The following ARL15 variants were observed in gnomAD, a reference collection of about 807,000 sequenced individuals.
The protein encoded by ARL15 is ADP-ribosylation factor-like protein 15.
ARL15 carries 19 observed loss-of-function variants against 25.2 expected under a neutral mutation model. The ratio of observed to expected loss-of-function variants is 0.75; its 90% CI spans 0.53 to 1.10. The LOEUF is 1.10. Among genes scored for constraint, ARL15 ranks in the 50% least tolerant of loss-of-function variants. The pLI is 0.00. For missense variants in ARL15, 220 were observed against 246.0 expected, an observed-to-expected ratio of 0.89 and a Z score of 0.71; for synonymous variants, 94 against 86.8, an observed-to-expected ratio of 1.08 and a Z score of -0.46.
chr5:53,982,654 A>G (rs1391864752), intron 4 of ARL15, among the ~76,000 whole-genome samples: 1 of 152,152 alleles, frequency 6.6e-6, no homozygotes, highest in Non-Finnish European at 1.5e-5. Flanking sequence ...ATACATGTGC[A>G]TGTGTCTTTA....
At chr5:54,168,956 C>A (rs1754649428) in intron 2 of ARL15, among the ~76,000 whole-genome samples, 1 of 152,138 alleles carries the variant, frequency 6.6e-6, no homozygotes, top group Non-Finnish European at 1.5e-5. Flanking sequence ...GTGTAAACTT[C>A]TTGATGGCAG....
At chr5:54,236,718 A>C (rs1304062366) in intron 1 of ARL15, among the ~76,000 whole-genome samples, 2 of 152,172 alleles carry the variant, frequency 1.3e-5, no homozygotes, top group African/African-American at 2.4e-5. Flanking sequence ...GCATACATTC[A>C]TTTAAACAAA....
At chr5:54,141,351 T>C (rs1459677879) in intron 3 of ARL15, among the ~76,000 whole-genome samples, 1 of 152,144 alleles carries the variant, frequency 6.6e-6, no homozygotes, top group African/African-American at 2.4e-5. Context: ...TCCGAGTCCT[T>C]TCCCAGTCAC....
intron 1 of ARL15, among the ~76,000 whole-genome samples, chr5:54,250,168 G>A (rs946881146): frequency 6.6e-6 from 1 of 152,068 alleles, no homozygotes; most frequent in Non-Finnish European, 1.5e-5. Flanking sequence ...GGTGGGGGTC[G>A]AGGGAGGCAC....
At position 54,231,401 on chromosome 5, in the gene ARL15, AAC is replaced by A. The variant is rs140296355; in HGVS notation, c.49-59475_49-59474del. Among the ~76,000 whole-genome samples the A allele has an allele frequency of 9.8e-3, 1,493 of 152,142 alleles. 26 individuals carry two copies. The highest frequency in any genetic ancestry group is 0.034 in the African/African-American group (1,400 of 41,484). The stretch of plus-strand genomic sequence containing the variant: ...ACATCCACTTCTCTGTCTCTCTCAT[AAC>A]ACTCTTATCTGCACAGCCCCAGTCA... On this transcript the variant is annotated intron_variant, in intron 1 of 4. Coordinates refer to ENST00000504924, the MANE Select transcript of ARL15 (RefSeq NM_019087.3).
chr5:54,087,085 G>C (rs376882951), intron 4 of ARL15, among the ~76,000 whole-genome samples: 4 of 151,972 alleles, frequency 2.6e-5, no homozygotes, highest in Admixed American at 2.6e-4. Context: ...GCCTGTAATC[G>C]CAGCACTTTG....
At chr5:54,143,055 T>A (rs961321685) in intron 3 of ARL15, among the ~76,000 whole-genome samples, 4 of 152,190 alleles carry the variant, frequency 2.6e-5, no homozygotes, top group African/African-American at 9.6e-5. Context: ...TGTGTAAACA[T>A]TATATGGATA....
intron 4 of ARL15, among the ~76,000 whole-genome samples, chr5:54,087,305 G>A (rs1448680438): frequency 6.6e-6 from 1 of 152,020 alleles, no homozygotes; most frequent in Non-Finnish European, 1.5e-5. Flanking sequence ...TCCAGCCTGG[G>A]CGACAGAGCG....
intron 1 of ARL15, among the ~76,000 whole-genome samples, chr5:54,204,714 T>C (rs1755817423): frequency 6.6e-6 from 1 of 152,182 alleles, no homozygotes; most frequent in Non-Finnish European, 1.5e-5. Flanking sequence ...AAGGAGTTGA[T>C]GCTTAAAAGC....
chr5:53,991,240 A>ATT (rs1373197003), intron 4 of ARL15, among the ~76,000 whole-genome samples: 2 of 152,144 alleles, frequency 1.3e-5, no homozygotes, highest in Non-Finnish European at 2.9e-5. Flanking sequence ...TGAACAGCTG[A>ATT]TATAAAAGGA....
At chr5:53,953,529 G>A (rs1363948370) in intron 4 of ARL15, among the ~76,000 whole-genome samples, 4 of 151,922 alleles carry the variant, frequency 2.6e-5, no homozygotes, top group Admixed American at 2.0e-4. Context: ...AATTTATTAC[G>A]CAAAATTTAA....
intron 1 of ARL15, among the ~76,000 whole-genome samples, chr5:54,262,308 T>C (rs923184120): frequency 3.9e-5 from 6 of 152,186 alleles, no homozygotes; most frequent in Admixed American, 2.0e-4. Context: ...ATAGTGAGAA[T>C]TTCATTCAAA....
chr5:54,001,166 C>T (rs1226440663), intron 4 of ARL15, among the ~76,000 whole-genome samples: 3 of 152,190 alleles, frequency 2.0e-5, no homozygotes, highest in Non-Finnish European at 4.4e-5. Context: ...GCAACCCTCT[C>T]CCCCAGAAAT....
intron 4 of ARL15, chr5:53,887,278 T>C (rs1203072914): frequency 9.2e-6 from 6 of 652,936 alleles, no homozygotes; most frequent in South Asian, 8.5e-5. Flanking sequence ...GGAAAGAGGA[T>C]AGAAACTGCA....
intron 1 of ARL15, among the ~76,000 whole-genome samples, chr5:54,210,517 G>A (rs1173905720): frequency 6.6e-6 from 1 of 152,108 alleles, no homozygotes; most frequent in Non-Finnish European, 1.5e-5. Flanking sequence ...ATTGCAAATG[G>A]CCATCACAGA....
intron 4 of ARL15, among the ~76,000 whole-genome samples, chr5:54,052,244 T>A (rs1475340927): frequency 6.6e-6 from 1 of 152,010 alleles, no homozygotes; most frequent in Non-Finnish European, 1.5e-5. Flanking sequence ...CCAAAGAACT[T>A]TATAGCACAA....
chr5:54,299,701 T>G (rs946750233), intron 1 of ARL15, among the ~76,000 whole-genome samples: 3 of 145,334 alleles, frequency 2.1e-5, no homozygotes, highest in Non-Finnish European at 3.0e-5. Flanking sequence ...GTGATTCTCC[T>G]GCCTCAGCTT....
intron 1 of ARL15, among the ~76,000 whole-genome samples, chr5:54,246,492 C>T (rs1757088405): frequency 6.6e-6 from 1 of 152,106 alleles, no homozygotes; most frequent in Non-Finnish European, 1.5e-5. Flanking sequence ...CTCCCCCAAA[C>T]ATGTTCCTCC....
intron 4 of ARL15, among the ~76,000 whole-genome samples, chr5:54,097,664 T>A (rs998229481): frequency 1.3e-5 from 2 of 152,230 alleles, no homozygotes; most frequent in African/African-American, 4.8e-5. Context: ...CTTGGTAACA[T>A]GCTACCAGAA....
Sources: gnomAD v4.1 joint callset for allele counts (sites outside exome capture counted in the v4.1 genomes callset) on GRCh38, gnomAD v4.1.1 for gene constraint, MANE v1.5 for transcripts, NCBI Gene and HGNC (gene_info 2026-07-23, HGNC 2026-07-21) for gene names.